Variants in AVEN observed in about 807,000 individuals in gnomAD.
AVEN encodes the protein cell death regulator Aven.
A neutral mutation model predicts 38.1 loss-of-function variants in AVEN; 41 were observed. The ratio of observed to expected loss-of-function variants is 1.08; its 90% confidence interval spans 0.84 to 1.40. The LOEUF (loss-of-function observed/expected upper bound fraction) is 1.40. AVEN is among the 40% of genes most tolerant of loss of function. AVEN has a pLI of 0.00. For missense variants in AVEN, 605 were observed against 438.8 expected (o/e 1.38, Z -3.38); for synonymous variants, 206 against 171.8 (o/e 1.20, Z -1.56).
intron 4 of AVEN, chr15:34,064,786 CGAGA>C (rs747649375): frequency 5.3e-6 from 1 of 189,688 alleles, no homozygotes; most frequent in Non-Finnish European, 1.2e-5. Flanking sequence ...CACTTGTTAA[CGAGA>C]CTGATATTCA....
chr15:34,022,634 G>A (rs1898252928), intron 1 of AVEN, among the ~76,000 whole-genome samples: 1 of 152,184 alleles, frequency 6.6e-6, no homozygotes. Context: ...CTTGGAGTTA[G>A]AATACTAACA....
At position 34,008,562 on chromosome 15, in the gene AVEN, C is replaced by T. The variant is rs574895891; in HGVS notation, c.268-5353G>A. ...GGAGTGCAGTGGCACAATCTCGGCT[C>T]GCTGCAACCTCCGCCTCCCGGGTTC... On this transcript the variant is annotated intron_variant, in intron 1 of 5. Transcript: ENST00000306730. Among the ~76,000 whole-genome samples, 184 of 147,342 alleles carry T rather than the reference C, an allele frequency of 1.2e-3. 2 individuals carry two copies. The highest frequency in any genetic ancestry group is 4.5e-3 in the African/African-American group (172 of 38,358).
chr15:34,023,457 A>G (rs765200237), intron 1 of AVEN, among the ~76,000 whole-genome samples: 1 of 152,132 alleles, frequency 6.6e-6, no homozygotes, highest in Non-Finnish European at 1.5e-5. Flanking sequence ...TACACACCAG[A>G]GCTCAGGCGC....
At chr15:33,894,567 T>C (rs1486050621) in intron 2 of AVEN, among the ~76,000 whole-genome samples, 2 of 146,310 alleles carry the variant, frequency 1.4e-5, no homozygotes, top group African/African-American at 2.5e-5. Flanking sequence ...ACTAGCACTT[T>C]GGGAGGCCGA....
chr15:34,030,414 C>T (rs951931710), intron 1 of AVEN, among the ~76,000 whole-genome samples: 1 of 151,950 alleles, frequency 6.6e-6, no homozygotes, highest in Non-Finnish European at 1.5e-5. Flanking sequence ...GGCGCAATCT[C>T]GCTTCACTGC....
intron 2 of AVEN, among the ~76,000 whole-genome samples, chr15:33,894,515 TAAA>T (rs71117190): frequency 0.82 from 108,322 of 132,134 alleles, 47,553 homozygotes; most frequent in Non-Finnish European, 0.97. Context: ...GTTTTTCTCT[TAAA>T]AAAAAAAAAA....
intron 1 of AVEN, among the ~76,000 whole-genome samples, chr15:34,025,702 A>T (rs191513344): frequency 1.3e-4 from 20 of 152,046 alleles, no homozygotes; most frequent in Admixed American, 8.5e-4. Context: ...CACCGCTCAA[A>T]GGTTCAGAAG....
chr15:34,049,835 C>T (rs1478055807), intron 5 of AVEN, among the ~76,000 whole-genome samples: 1 of 151,108 alleles, frequency 6.6e-6, no homozygotes, highest in Non-Finnish European at 1.5e-5. Flanking sequence ...CAGCAGGCCT[C>T]TTGGTGGAAA....
rs1890512551 is a variant in AVEN at position 33,866,453 on chromosome 15, C to T, written c.*160G>A. 6.6e-6 allele frequency: 4 copies of T among 602,188 alleles called. No homozygotes were observed. The highest frequency in any genetic ancestry group is 8.9e-6 in the Non-Finnish European group (3 of 338,316). The allele number at this position is 602,188 out of a possible 1,614,324, so 37.3% of individuals were successfully genotyped here. On this transcript the variant is annotated 3_prime_UTR_variant, in exon 6 of 6. Coordinates refer to ENST00000306730, the MANE Select transcript of AVEN (RefSeq NM_020371.3). ...AACAAGCTGCTTCAATGTATTCTTTCAGATGTCAAACACAGAGGTAGGCAT... is the reference window on the plus strand; with the variant it reads ...AACAAGCTGCTTCAATGTATTCTTTTAGATGTCAAACACAGAGGTAGGCAT...
intron 2 of AVEN, among the ~76,000 whole-genome samples, chr15:33,987,682 T>C (rs1896537189): frequency 6.6e-6 from 1 of 152,184 alleles, no homozygotes; most frequent in East Asian, 1.9e-4. Flanking sequence ...CCTCCTCTAT[T>C]TATCTCTCTC....
chr15:33,953,382 CA>C (rs1202365092), intron 2 of AVEN, among the ~76,000 whole-genome samples: 21 of 152,176 alleles, frequency 1.4e-4, no homozygotes, highest in Admixed American at 3.3e-4. Context: ...TACCTGACTT[CA>C]AACTATACTA....
chr15:33,987,147 T>C (rs920219733), intron 2 of AVEN, among the ~76,000 whole-genome samples: 3 of 152,212 alleles, frequency 2.0e-5, no homozygotes, highest in Non-Finnish European at 4.4e-5. Context: ...CTGAGACCAG[T>C]GCAGTATTCT....
chr15:33,986,763 T>C (rs1029572144), intron 2 of AVEN, among the ~76,000 whole-genome samples: 6 of 151,658 alleles, frequency 4.0e-5, no homozygotes, highest in African/African-American at 1.4e-4. Context: ...TTCAAGCGAT[T>C]CTCCTGTGTC....
chr15:33,854,325 C>G (rs1486271123), downstream of AVEN: 5 of 1,367,600 alleles, frequency 3.7e-6, no homozygotes, highest in East Asian at 1.0e-4. Context: ...ACTTTTTCCC[C>G]CTTATTGAGC....
At chr15:34,040,001 A>C (rs536629026), upstream of AVEN, among the ~76,000 whole-genome samples, 24 of 152,310 alleles carry the variant, frequency 1.6e-4, no homozygotes, top group African/African-American at 5.8e-4. Context: ...ACCACCTGAA[A>C]ATAATGAAAG....
chr15:34,063,744 G>A lies in AVEN; in HGVS notation n.1127-312C>T, dbSNP rs1451429730. ...GGAAGAATTCAGTGCTGAAGAGACT[G>A]AGGAAACTTTTGTGAAAGCTGAAAC... On this transcript the variant is annotated intron_variant and non_coding_transcript_variant, in intron 4 of 11. Transcript: ENST00000675287. This position sits in a 1 kb window ranked among gnomAD's most constrained non-coding sequence, Gnocchi z 4.1. 1.2e-6 allele frequency: 2 copies of A among 1,614,234 alleles called. No individual in the cohort carries two copies. Among genetic ancestry groups the A allele is most frequent in the Non-Finnish European group, 1.7e-6 (2 of 1,180,046 alleles).
In AVEN at chr15:33,860,801, ACCCTGCCATAC is replaced by A. The variant is rs1045498036; in HGVS notation, n.2730-1718_2730-1708del. 116 of 705,908 alleles carry A rather than the reference ACCCTGCCATAC, an allele frequency of 1.6e-4. 1 individual carries two copies. In the African/African-American group the frequency reaches 1.7e-3, roughly 11 times the overall value. 43.7% of individuals were successfully genotyped at this position (705,908 alleles called of 1,614,324 possible). Reference sequence around the variant, plus strand: ...TTGTTTTCCATGCCCTGTTCTCTGCACCCTGCCATACCCCTGCCAGGCCGGCCACTCTGCTG... The same window carrying A: ...TTGTTTTCCATGCCCTGTTCTCTGCACCCTGCCAGGCCGGCCACTCTGCTG... On this transcript the variant is annotated intron_variant and non_coding_transcript_variant, in intron 11 of 11. Coordinates refer to the AVEN transcript ENST00000675287.
At chr15:33,859,442 G>T in intron 11 of AVEN, 1 of 843,568 alleles carries the variant, frequency 1.2e-6, no homozygotes. Flanking sequence ...CATGAATACT[G>T]GCACCTCTGA....
At chr15:33,970,325 T>G (rs1344444538) in intron 2 of AVEN, among the ~76,000 whole-genome samples, 3 of 151,954 alleles carry the variant, frequency 2.0e-5, no homozygotes, top group Non-Finnish European at 2.9e-5. Context: ...ATCATAAGTC[T>G]TTTACATCTG....
Sources: gnomAD v4.1 joint callset for allele counts (sites outside exome capture counted in the v4.1 genomes callset) on GRCh38, gnomAD v4.1.1 for gene constraint, Gnocchi (gnomAD v3.1) non-coding constraint, MANE v1.5 for transcripts, NCBI Gene and HGNC (gene_info 2026-07-23, HGNC 2026-07-21) for gene names.